The following TRPM3 variants were observed in gnomAD, a reference collection of about 807,000 sequenced individuals.
TRPM3 encodes the protein long transient receptor potential channel 3.
In TRPM3, 77 loss-of-function variants were observed where a neutral mutation model predicts 181.2. The ratio of observed to expected loss-of-function variants is 0.42; its 90% CI spans 0.35 to 0.51. TRPM3 has a LOEUF of 0.51. TRPM3 is among the 20% of genes least tolerant of loss of function. TRPM3 has a pLI of 0.01. For missense variants in TRPM3, 1,759 were observed against 2,196.7 expected, an observed-to-expected ratio of 0.80 and a Z score of 3.98; for synonymous variants, 745 against 796.4, an observed-to-expected ratio of 0.94 and a Z score of 1.09.
chr9:70,624,599 T>C (rs567323490), intron 14 of TRPM3, among the ~76,000 whole-genome samples: 1 of 152,346 alleles, frequency 6.6e-6, no homozygotes, highest in Non-Finnish European at 1.5e-5. Context: ...AGGGTTAAAA[T>C]ACTCCTTCCT....
intron 1 of TRPM3, among the ~76,000 whole-genome samples, chr9:71,185,804 C>G (rs2077643425): frequency 6.6e-6 from 1 of 151,980 alleles, no homozygotes. Context: ...AGCCGGAGCA[C>G]CTTACATAGA....
chr9:71,425,612 C>T (rs912072712), intron 1 of TRPM3, among the ~76,000 whole-genome samples: 2 of 152,104 alleles, frequency 1.3e-5, no homozygotes, highest in Admixed American at 1.3e-4. Flanking sequence ...GGTTTTCCCC[C>T]ACAATAACCT....
chr9:71,345,538 A>G (rs2091243783), intron 1 of TRPM3, among the ~76,000 whole-genome samples: 1 of 151,852 alleles, frequency 6.6e-6, no homozygotes, highest in Non-Finnish European at 1.5e-5. Context: ...GGAGTTGAAC[A>G]TGAGAATACA....
chr9:71,113,131 T>A (rs1253797354), intron 1 of TRPM3, among the ~76,000 whole-genome samples: 1 of 152,172 alleles, frequency 6.6e-6, no homozygotes, highest in Non-Finnish European at 1.5e-5. Context: ...CTTACTTGCA[T>A]TTTAAATGGA....
chr9:70,909,263 G>A (rs2133121063), intron 1 of TRPM3, among the ~76,000 whole-genome samples: 1 of 152,266 alleles, frequency 6.6e-6, no homozygotes, highest in South Asian at 2.1e-4. Flanking sequence ...TTTGTAAGCT[G>A]GTTCTATCTA....
chr9:70,839,819 A>G (rs1589098775), intron 5 of TRPM3, among the ~76,000 whole-genome samples: 1 of 152,282 alleles, frequency 6.6e-6, no homozygotes, highest in East Asian at 1.9e-4. Flanking sequence ...AAAGATTTTT[A>G]ATAATACATT....
intron 1 of TRPM3, among the ~76,000 whole-genome samples, chr9:71,374,949 A>G (rs1213446154): frequency 6.6e-6 from 1 of 152,220 alleles, no homozygotes; most frequent in East Asian, 1.9e-4. Flanking sequence ...GAGAGGACAA[A>G]AACAAATGGA....
intron 1 of TRPM3, among the ~76,000 whole-genome samples, chr9:71,168,388 G>T (rs1042327473): frequency 6.6e-6 from 1 of 151,894 alleles, no homozygotes; most frequent in Non-Finnish European, 1.5e-5. Context: ...GGGTAGAAAG[G>T]AAGACAGTAG....
At position 70,578,924 on chromosome 9, in the gene TRPM3, G is replaced by A. The variant is rs563264696; in HGVS notation, c.3223+12107C>T. On this transcript the variant is annotated intron_variant, in intron 22 of 25. Transcript: ENST00000677713. ...GCCTCTACTGCTAGATGTTAGTAGC[G>A]CCCCCTGGGTTGTGACAACCAAAAT... 1.8e-4 allele frequency among the ~76,000 whole-genome samples: 28 copies of A among 152,276 alleles called. 1 individual carries two copies. The highest frequency in any genetic ancestry group is 1.2e-3 in the South Asian group (6 of 4,826).
rs767296818 is a variant in TRPM3, at chr9:71,121,272, C to A, written c.83G>T (p.Gly28Val). The change falls in exon 1 of 26, where the codon GGG becomes GTG. Residue 28 changes from glycine (G) to valine (V), a missense_variant. Around this residue, in one of 8 missense-constraint regions of TRPM3, gnomAD observed 737 missense variants for 957.4 expected, o/e 0.77. Coordinates refer to ENST00000677713, the MANE Select transcript of TRPM3 (RefSeq NM_001366145.2). ...AGGAGCATCAGCCTGATTCATGACCCCTTCCAAATTCCACCAGGAAAACAA... is the reference window on the plus strand; with the variant it reads ...AGGAGCATCAGCCTGATTCATGACCACTTCCAAATTCCACCAGGAAAACAA... The part of the protein sequence containing the change: ...SFLFSWWNLE[G>V]VMNQADAPRP... 6.2e-7 allele frequency: 1 copy of A among 1,614,000 alleles called. No homozygotes were observed. Among genetic ancestry groups the A allele is most frequent in the African/African-American group, 1.3e-5 (1 of 74,922 alleles).
At chr9:70,829,933 T>C (rs2093787798) in intron 5 of TRPM3, among the ~76,000 whole-genome samples, 1 of 152,250 alleles carries the variant, frequency 6.6e-6, no homozygotes, top group Non-Finnish European at 1.5e-5. Context: ...TAAATATTAA[T>C]GCTTTATTGA....
At chr9:71,373,844 T>C (rs2092596166) in intron 1 of TRPM3, among the ~76,000 whole-genome samples, 1 of 152,136 alleles carries the variant, frequency 6.6e-6, no homozygotes, top group South Asian at 2.1e-4. Context: ...TTCAGGCCAA[T>C]ATCCTTGATG....
At chr9:70,995,078 T>A (rs2097529421) in intron 1 of TRPM3, among the ~76,000 whole-genome samples, 1 of 152,140 alleles carries the variant, frequency 6.6e-6, no homozygotes, top group African/African-American at 2.4e-5. Context: ...TCCAGCCGTG[T>A]CTTCTCTCTC....
intron 18 of TRPM3, among the ~76,000 whole-genome samples, chr9:70,612,370 A>ACAAG (rs2062122103): frequency 6.6e-6 from 1 of 152,252 alleles, no homozygotes; most frequent in African/African-American, 2.4e-5. Flanking sequence ...GTACTGGGAA[A>ACAAG]CAAGCTTAAA....
At chr9:71,163,958 T>C (rs548062472) in intron 1 of TRPM3, among the ~76,000 whole-genome samples, 1 of 152,274 alleles carries the variant, frequency 6.6e-6, no homozygotes, top group South Asian at 2.1e-4. Flanking sequence ...CAGTGGTCAT[T>C]GTGGCCAGAA....
chr9:71,355,211 C>T (rs891109586), intron 1 of TRPM3, among the ~76,000 whole-genome samples: 1 of 152,172 alleles, frequency 6.6e-6, no homozygotes, highest in Non-Finnish European at 1.5e-5. Flanking sequence ...CAGGTCCTAA[C>T]TCCTGGTATC....
At chr9:70,913,279 A>G (rs913418223) in intron 1 of TRPM3, among the ~76,000 whole-genome samples, 2 of 152,204 alleles carry the variant, frequency 1.3e-5, no homozygotes, top group Non-Finnish European at 2.9e-5. Context: ...AGGTATCCCA[A>G]TGGTCTTATT....
chr9:70,988,963 T>C (rs1403145717), intron 1 of TRPM3, among the ~76,000 whole-genome samples: 1 of 152,150 alleles, frequency 6.6e-6, no homozygotes, highest in Non-Finnish European at 1.5e-5. Flanking sequence ...AGGCCTTTCC[T>C]GAGTTGAGCC....
At chr9:70,776,765 G>A (rs1377430114) in intron 7 of TRPM3, among the ~76,000 whole-genome samples, 1 of 152,188 alleles carries the variant, frequency 6.6e-6, no homozygotes, top group African/African-American at 2.4e-5. Flanking sequence ...AAGGTACAGA[G>A]GGCTTGTGGT....
Sources: allele counts gnomAD v4.1 joint callset (sites outside exome capture counted in the v4.1 genomes callset), GRCh38; gene constraint gnomAD v4.1.1; regional missense constraint gnomAD v4.1.1; transcripts MANE v1.5; gene names NCBI Gene and HGNC (gene_info 2026-07-23, HGNC 2026-07-21).